CNTNAP5: variants seen among roughly 807,000 people sequenced by gnomAD.
The protein encoded by CNTNAP5 is contactin-associated protein-like 5.
In CNTNAP5, 72 loss-of-function variants were observed where a neutral mutation model predicts 150.2. That is an observed-to-expected ratio of 0.48 (90% CI 0.40 to 0.58). The LOEUF is 0.58. CNTNAP5 is among the 20% of genes least tolerant of loss of function. CNTNAP5 has a pLI of 0.00. For missense variants in CNTNAP5, 1,636 were observed against 1,626.2 expected (o/e 1.01, Z -0.10); for synonymous variants, 672 against 619.8 (o/e 1.08, Z -1.25).
chr2:124,878,870 A>G (rs191032904), intron 21 of CNTNAP5, among the ~76,000 whole-genome samples: 136 of 151,758 alleles, frequency 9.0e-4, no homozygotes, highest in Non-Finnish European at 9.6e-4. Context: ...TTTAGTAGAG[A>G]TGGGGTTTCA....
At position 124,786,223 on chromosome 2, in the gene CNTNAP5, A is replaced by G. The variant is rs559702693; in HGVS notation, c.2753-3679A>G. Reference sequence around the variant, plus strand: ...GGCTGCAGTGCGCTATGATCACACCACCGCACTCCAGCCTGGATGATAGAA... The same window carrying G: ...GGCTGCAGTGCGCTATGATCACACCGCCGCACTCCAGCCTGGATGATAGAA... On this transcript the variant is annotated intron_variant, in intron 17 of 23. Transcript: ENST00000682447. Among the ~76,000 whole-genome samples, 4 of 151,414 alleles carry G rather than the reference A, an allele frequency of 2.6e-5. No individual in the cohort carries two copies. The Admixed American group carries it at 2.6e-4, about 10-fold the overall frequency.
intron 3 of CNTNAP5, among the ~76,000 whole-genome samples, chr2:124,292,644 G>T (rs1178557787): frequency 2.0e-5 from 3 of 151,942 alleles, no homozygotes; most frequent in Non-Finnish European, 4.4e-5. Flanking sequence ...AAGTTTTATT[G>T]TATAATATTT....
intron 8 of CNTNAP5, among the ~76,000 whole-genome samples, chr2:124,515,811 A>G (rs1573428866): frequency 6.6e-6 from 1 of 152,168 alleles, no homozygotes; most frequent in East Asian, 1.9e-4. Context: ...GAATTCTTGT[A>G]AGGATTTTGG....
intron 1 of CNTNAP5, among the ~76,000 whole-genome samples, chr2:124,146,110 T>C (rs1040202683): frequency 1.4e-4 from 22 of 152,152 alleles, no homozygotes; most frequent in African/African-American, 5.1e-4. Context: ...GAAAGGGAGA[T>C]GGAGGCACAG....
chr2:124,399,866 A>T (rs892080104), intron 3 of CNTNAP5, among the ~76,000 whole-genome samples: 2 of 152,134 alleles, frequency 1.3e-5, no homozygotes, highest in Non-Finnish European at 2.9e-5. Context: ...TGCCTCTCTG[A>T]AGCACTCTAG....
intron 12 of CNTNAP5, among the ~76,000 whole-genome samples, chr2:124,643,595 T>A (rs1429934705): frequency 6.6e-6 from 1 of 152,176 alleles, no homozygotes; most frequent in African/African-American, 2.4e-5. Context: ...GCAGAGTATG[T>A]TCCCCATCGC....
chr2:124,231,906 T>C (rs1351911061), intron 2 of CNTNAP5, among the ~76,000 whole-genome samples: 1 of 152,070 alleles, frequency 6.6e-6, no homozygotes, highest in Non-Finnish European at 1.5e-5. Context: ...TTATAGAAAA[T>C]TTGTTACTGG....
At chr2:124,731,775 T>G (rs1208604670) in intron 13 of CNTNAP5, among the ~76,000 whole-genome samples, 6 of 151,026 alleles carry the variant, frequency 4.0e-5, no homozygotes, top group African/African-American at 9.9e-5. Context: ...TGTTTCTGGG[T>G]GTATGAGTGT....
chr2:124,242,074 G>T, intron 2 of CNTNAP5, 126 bp from the exon 3 acceptor site: 1 of 699,132 alleles, frequency 1.4e-6, no homozygotes, highest in South Asian at 1.8e-5. Flanking sequence ...GCAGGGAAGA[G>T]TAGGGCCCAT....
intron 3 of CNTNAP5, among the ~76,000 whole-genome samples, chr2:124,342,104 T>G (rs1405862089): frequency 6.6e-6 from 1 of 152,164 alleles, no homozygotes; most frequent in African/African-American, 2.4e-5. Context: ...ATAGTTTTCT[T>G]CTGAAACATG....
chr2:124,804,443 T>C (rs1345377096), intron 19 of CNTNAP5, among the ~76,000 whole-genome samples: 1 of 152,176 alleles, frequency 6.6e-6, no homozygotes, highest in Non-Finnish European at 1.5e-5. Context: ...CCCAAGAAGA[T>C]TGCTATGAAC....
Position 124,295,794 on chromosome 2 carries a change from T to C in CNTNAP5, c.381+53401T>C, listed in dbSNP as rs552874745. 9.2e-5 allele frequency among the ~76,000 whole-genome samples: 14 copies of C among 152,210 alleles called. No homozygotes were observed. In the South Asian group the frequency reaches 2.9e-3, roughly 32 times the overall value. The stretch of plus-strand genomic sequence containing the variant: ...AGGTGGACAATTCCAGAACTGAGGG[T>C]TCCTCCCAATTTTAGACCATATAGG... On this transcript the variant is annotated intron_variant, in intron 3 of 23. Coordinates refer to ENST00000682447, the MANE Select transcript of CNTNAP5 (RefSeq NM_001367498.1).
chr2:124,683,921 T>C (rs1679126812), intron 13 of CNTNAP5, among the ~76,000 whole-genome samples: 1 of 152,212 alleles, frequency 6.6e-6, no homozygotes. Flanking sequence ...TGGGAGGTAG[T>C]AATTTGTGAA....
chr2:124,661,522 C>A (rs1678590456), intron 13 of CNTNAP5, among the ~76,000 whole-genome samples: 1 of 151,520 alleles, frequency 6.6e-6, no homozygotes, highest in African/African-American at 2.4e-5. Context: ...ATAACAATGC[C>A]TTTTTCTGGA....
At chr2:124,905,726 G>C (rs1367159217) in intron 22 of CNTNAP5, among the ~76,000 whole-genome samples, 1 of 152,118 alleles carries the variant, frequency 6.6e-6, no homozygotes, top group East Asian at 1.9e-4. Context: ...AAAGAGAAAG[G>C]GGAAAGTGTG....
At position 124,631,920 on chromosome 2, in the gene CNTNAP5, T is replaced by G. The variant is rs538302595; in HGVS notation, c.1877-15838T>G. 1.2e-4 allele frequency among the ~76,000 whole-genome samples: 19 copies of G among 152,310 alleles called. 1 individual carries two copies. The highest frequency in any genetic ancestry group is 1.0e-3 in the South Asian group (5 of 4,826). Reference sequence around the variant, plus strand: ...GTGGGCAAAGGATATTAACAGACACTTCTCAGAAAAGGCACACATGCGGCC... The same window carrying G: ...GTGGGCAAAGGATATTAACAGACACGTCTCAGAAAAGGCACACATGCGGCC... On this transcript the variant is annotated intron_variant, in intron 12 of 23. Coordinates refer to ENST00000682447, the MANE Select transcript of CNTNAP5 (RefSeq NM_001367498.1).
At position 124,057,448 on chromosome 2, in the gene CNTNAP5, ATTT is replaced by A. The variant is rs556571236; in HGVS notation, c.82+31737_82+31739del. 6.2e-4 allele frequency among the ~76,000 whole-genome samples: 39 copies of A among 62,788 alleles called. 4 individuals carry two copies. The highest frequency in any genetic ancestry group is 5.1e-4 in the Non-Finnish European group (19 of 37,294). The allele number at this position is 62,788 out of a possible 152,430, so 41.2% of individuals were successfully genotyped here. A position where few individuals can be genotyped will look rare whatever the true frequency, so the allele number is the denominator to read the frequency against. On this transcript the variant is annotated intron_variant, in intron 1 of 23. Transcript: ENST00000682447. Reference sequence around the variant, plus strand: ...AGGCACCCACCAGCACGGCCAGCTAATTTTTTTTTTTTTTTTTTTTTTTAGTAG... The same window carrying A: ...AGGCACCCACCAGCACGGCCAGCTAATTTTTTTTTTTTTTTTTTTTAGTAG...
intron 1 of CNTNAP5, among the ~76,000 whole-genome samples, chr2:124,180,013 C>T (rs976435587): frequency 6.6e-6 from 1 of 151,910 alleles, no homozygotes; most frequent in African/African-American, 2.4e-5. Context: ...TGGGTAATTC[C>T]ACAGTGAATG....
At chr2:124,808,304 C>CGAAGGAGAGTAT (rs1682123559) in intron 19 of CNTNAP5, among the ~76,000 whole-genome samples, 1 of 152,098 alleles carries the variant, frequency 6.6e-6, no homozygotes, top group Non-Finnish European at 1.5e-5. Context: ...TCTTAAACTC[C>CGAAGGAGAGTAT]TTCAAAATGA....
Sources: allele counts gnomAD v4.1 joint callset (sites outside exome capture counted in the v4.1 genomes callset), GRCh38; gene constraint gnomAD v4.1.1; transcripts MANE v1.5; gene names NCBI Gene and HGNC (gene_info 2026-07-23, HGNC 2026-07-21).